Variants in HFM1 observed in about 807,000 individuals in gnomAD.
HFM1 encodes helicase for meiosis 1.
A neutral mutation model predicts 192.1 loss-of-function variants in HFM1; 169 were observed. The observed-to-expected ratio is 0.88, with a 90% confidence interval of 0.78 to 1.00. HFM1 has a LOEUF of 1.00. Among genes scored for constraint, HFM1 ranks in the 50% least tolerant of loss-of-function variants. The probability of loss-of-function intolerance (pLI) is 0.00; values close to 1 mark genes in which losing one functional copy is unlikely to be tolerated. For synonymous variants in HFM1, 525 were observed against 537.8 expected, an observed-to-expected ratio of 0.98 and a Z score of 0.33; for missense variants, 1,661 against 1,668.0, an observed-to-expected ratio of 1.00 and a Z score of 0.07.
chr1:91,357,293 A>C (rs1657876886), intron 13 of HFM1, among the ~76,000 whole-genome samples: 1 of 152,232 alleles, frequency 6.6e-6, no homozygotes, highest in African/African-American at 2.4e-5. Context: ...AGGCTGGTTT[A>C]ATATATGCCA....
intron 33 of HFM1, 134 bp downstream of exon 33, chr1:91,274,596 G>A: frequency 2.1e-6 from 1 of 471,550 alleles, no homozygotes; most frequent in Non-Finnish European, 3.9e-6. Context: ...TGATGTTATT[G>A]CTTCACTATG....
chr1:91,341,703 C>CA (rs890399836), intron 20 of HFM1, among the ~76,000 whole-genome samples: 9 of 151,040 alleles, frequency 6.0e-5, no homozygotes, highest in Admixed American at 4.0e-4. Context: ...GAATAACAAA[C>CA]AAAAAAACAG....
intron 4 of HFM1, among the ~76,000 whole-genome samples, chr1:91,390,926 C>T (rs1235908544): frequency 6.6e-6 from 1 of 152,182 alleles, no homozygotes; most frequent in Non-Finnish European, 1.5e-5. Flanking sequence ...ACAAAATCAA[C>T]ATGCAAAAAT....
intron 13 of HFM1, among the ~76,000 whole-genome samples, chr1:91,370,873 G>T (rs1246996427): frequency 6.6e-6 from 1 of 152,192 alleles, no homozygotes; most frequent in Non-Finnish European, 1.5e-5. Flanking sequence ...TCCTTAAGCT[G>T]ATAGATAACT....
intron 36 of HFM1, 85 bp from the exon 37 acceptor site, chr1:91,262,677 T>C (rs1665281763): frequency 1.3e-6 from 1 of 793,012 alleles, no homozygotes; most frequent in Non-Finnish European, 2.0e-6. Context: ...TTGGGGAATA[T>C]GATCAAAGTT....
Position 91,274,763 on chromosome 1 carries a change from A to T in HFM1, c.3635T>A (p.Phe1212Tyr). The change falls in exon 33 of 39, where the codon TTT (phenylalanine) becomes TAT (tyrosine). Residue 1212 changes from phenylalanine to tyrosine, a missense_variant. Coordinates refer to ENST00000370425, the MANE Select transcript of HFM1 (RefSeq NM_001017975.6). ...SQSVDLKEFG[F>Y]TPKPSLPSIS... Reference sequence around the variant, plus strand: ...ACTAGGAAGGGAAGGTTTTGGAGTAAAACCAAACTCTTTAAGGTCCACACT... The same window carrying T: ...ACTAGGAAGGGAAGGTTTTGGAGTATAACCAAACTCTTTAAGGTCCACACT... The T allele has an allele frequency of 6.4e-7, 1 of 1,570,266 alleles. No homozygotes were observed. Among genetic ancestry groups the T allele is most frequent in the African/African-American group, 1.3e-5 (1 of 74,170 alleles).
At chr1:91,351,171 G>C (rs1309348639) in intron 17 of HFM1, among the ~76,000 whole-genome samples, 1 of 151,716 alleles carries the variant, frequency 6.6e-6, no homozygotes, top group African/African-American at 2.4e-5. Context: ...ATAGGTTCCA[G>C]ATTTCCTCTA....
intron 30 of HFM1, among the ~76,000 whole-genome samples, chr1:91,288,110 G>C (rs1070738): frequency 1 from 150,766 of 150,878 alleles, 75,327 homozygotes; most frequent in Non-Finnish European, 1. Flanking sequence ...TCCAGGAGAA[G>C]TTCCCCAATC....
intron 30 of HFM1, among the ~76,000 whole-genome samples, chr1:91,289,029 A>G (rs1465216982): frequency 2.0e-5 from 3 of 147,278 alleles, no homozygotes; most frequent in Non-Finnish European, 4.5e-5. Flanking sequence ...CGGATGGGGC[A>G]GCTGGCCGGG....
rs1287179777 is a variant in HFM1, at chr1:91,312,185, A to C, written c.3391+1164T>G. ...AGAGAAATGTGGGGTCAGAGCCCCC[A>C]CACAGAGTCTCTAGTGGGGTGCTGC... is the stretch of plus-strand genomic sequence containing the variant. On this transcript the variant is annotated intron_variant, in intron 30 of 38. Coordinates refer to ENST00000370425, the MANE Select transcript of HFM1 (RefSeq NM_001017975.6). 2.6e-5 allele frequency among the ~76,000 whole-genome samples: 4 copies of C among 152,212 alleles called. No individual in the cohort carries two copies. The East Asian group carries it at 5.8e-4, about 22-fold the overall frequency.
chr1:91,312,564 C>G (rs1570911511), intron 30 of HFM1, among the ~76,000 whole-genome samples: 2 of 152,116 alleles, frequency 1.3e-5, no homozygotes, highest in South Asian at 2.1e-4. Flanking sequence ...AATATCTGTA[C>G]CCCCATTATA....
At chr1:91,381,541 C>T (rs374589306) in intron 6 of HFM1, among the ~76,000 whole-genome samples, 3 of 152,268 alleles carry the variant, frequency 2.0e-5, no homozygotes, top group African/African-American at 7.2e-5. Flanking sequence ...AATCATCCTT[C>T]CCCTGTAAGA....
chr1:91,395,719 G>A lies in HFM1; in HGVS notation c.184+574C>T, dbSNP rs186670316. ...ATAACGAGTATACATATTTTGGGGG[G>A]GTATCTGATATTTTGATACATGCAT... On this transcript the variant is annotated intron_variant, in intron 3 of 38. Transcript: ENST00000370425. Among the ~76,000 whole-genome samples, 239 of 151,950 alleles carry A rather than the reference G, an allele frequency of 1.6e-3. 1 individual carries two copies. Among genetic ancestry groups the A allele is most frequent in the Middle Eastern group, 0.014 (4 of 294 alleles).
Position 91,276,984 on chromosome 1 carries a change from C to G in HFM1, c.3470G>C (p.Cys1157Ser), listed in dbSNP as rs74938180. 1.3e-6 allele frequency: 2 copies of G among 1,569,172 alleles called. No homozygotes were observed. Among genetic ancestry groups the G allele is most frequent in the Non-Finnish European group, 1.7e-6 (2 of 1,154,892 alleles). ...CKSKHTCGHDCCKIGVAQKSE... is the reference protein window; with the variant it reads ...CKSKHTCGHDSCKIGVAQKSE... ...TAAACTTGTTTTAAGGAACTCACAG[C>G]AGTCATGTCCACATGTATGTTTACT... The change falls in exon 31 of 39, where the codon TGC becomes TCC. Residue 1157 changes from cysteine to serine, a missense_variant and splice_region_variant. Transcript: ENST00000370425.
At position 91,267,819 on chromosome 1, in the gene HFM1, A is replaced by T. The variant is rs1271274247; in HGVS notation, c.3809T>A (p.Val1270Asp). ...GTTTTCATCATCAAAATCATCCCAA[A>T]CTTCATTTCCCAATTCAAAGTTCAC... is the stretch of plus-strand genomic sequence containing the variant. ...LNVNFELGNE[V>D]WDDFDDENLE... The change falls in exon 35 of 39, where the codon GTT becomes GAT. Residue 1270 changes from valine to aspartate, a missense_variant. By Grantham distance (152) the Val-to-Asp change is radical (BLOSUM62 -3). Transcript: ENST00000370425. The T allele has an allele frequency of 6.3e-7, 1 of 1,583,130 alleles. No individual in the cohort carries two copies. Among genetic ancestry groups the T allele is most frequent in the East Asian group, 2.3e-5 (1 of 42,604 alleles).
At chr1:91,402,307 A>C (rs1664393001) in intron 1 of HFM1, among the ~76,000 whole-genome samples, 1 of 152,196 alleles carries the variant, frequency 6.6e-6, no homozygotes, top group African/African-American at 2.4e-5. Flanking sequence ...TATGAGAACT[A>C]AACCTGTATA....
upstream of HFM1, chr1:91,404,923 CT>C (rs927181148): frequency 4.4e-6 from 2 of 452,584 alleles, no homozygotes; most frequent in Non-Finnish European, 8.9e-6. Flanking sequence ...CCCTTCCTAC[CT>C]TTTTTTCTCC....
At chr1:91,325,010 C>T (rs1840294) in intron 20 of HFM1, among the ~76,000 whole-genome samples, 17 of 152,124 alleles carry the variant, frequency 1.1e-4, no homozygotes, top group Non-Finnish European at 2.4e-4. Context: ...ACCAGCTTGG[C>T]CATGGCTGGG....
chr1:91,385,533 T>C (rs1244742516), intron 5 of HFM1, 42 bp downstream of exon 5: 3 of 1,493,146 alleles, frequency 2.0e-6, no homozygotes, highest in Non-Finnish European at 2.7e-6. Context: ...AAATGTGGTT[T>C]AGTCTGTACT....
Sources: allele counts gnomAD v4.1 joint callset (sites outside exome capture counted in the v4.1 genomes callset), GRCh38; gene constraint gnomAD v4.1.1; transcripts MANE v1.5; gene names NCBI Gene and HGNC (gene_info 2026-07-23, HGNC 2026-07-21).